The following INTS6 variants were observed in gnomAD, a reference collection of about 807,000 sequenced individuals.
INTS6 encodes DEAD box protein.
Under a neutral mutation model 104.9 loss-of-function variants are expected in INTS6, and 16 were observed. That is an observed-to-expected ratio of 0.15 (90% CI 0.10 to 0.23). The LOEUF is 0.23. Among genes scored for constraint, INTS6 ranks in the 10% least tolerant of loss-of-function variants. INTS6 has a pLI of 1.00. For synonymous variants in INTS6, 324 were observed against 358.7 expected, an observed-to-expected ratio of 0.90 and a Z score of 1.09; for missense variants, 584 against 1,062.8, an observed-to-expected ratio of 0.55 and a Z score of 6.26.
At chr13:51,376,440 C>T (rs1299628844) in intron 12 of INTS6, among the ~76,000 whole-genome samples, 2 of 152,098 alleles carry the variant, frequency 1.3e-5, no homozygotes, top group Non-Finnish European at 2.9e-5. Context: ...GAAGTAAACT[C>T]ATTTAAGTAA....
the INTS6 span, chr13:51,344,559 C>T: frequency 8.0e-7 from 1 of 1,249,386 alleles, no homozygotes; most frequent in Non-Finnish European, 1.1e-6. Flanking sequence ...CATCACTTGT[C>T]AGAGGCCATG....
At chr13:51,404,837 G>A (rs1956529924) in intron 4 of INTS6, among the ~76,000 whole-genome samples, 1 of 151,982 alleles carries the variant, frequency 6.6e-6, no homozygotes, top group South Asian at 2.1e-4. Context: ...ACATTTTATT[G>A]TCAACATGTG....
At chr13:51,411,803 C>G (rs1309296003) in intron 4 of INTS6, among the ~76,000 whole-genome samples, 1 of 152,072 alleles carries the variant, frequency 6.6e-6, no homozygotes, top group Non-Finnish European at 1.5e-5. Flanking sequence ...TATGACCCAC[C>G]AATTATGCTC....
downstream of INTS6, among the ~76,000 whole-genome samples, chr13:51,358,926 G>C (rs116565817): frequency 1.1e-3 from 168 of 152,076 alleles, 1 homozygote; most frequent in African/African-American, 4.0e-3. Flanking sequence ...GAATGGTGTG[G>C]GTGGTTCTAT....
chr13:51,373,751 G>A (rs1271298735), intron 15 of INTS6, among the ~76,000 whole-genome samples: 1 of 152,032 alleles, frequency 6.6e-6, no homozygotes, highest in Non-Finnish European at 1.5e-5. Context: ...CATCTTTTTC[G>A]TAACATTCAA....
At chr13:51,376,005 A>T in intron 13 of INTS6, 43 bp downstream of exon 13, 1 of 1,534,706 alleles carries the variant, frequency 6.5e-7, no homozygotes, top group Non-Finnish European at 8.8e-7. Context: ...CAGACTATAA[A>T]GAAAAAAAAT....
chr13:51,383,639 G>A lies in INTS6; in HGVS notation c.997C>T (p.Pro333Ser). The A allele has an allele frequency of 6.2e-7, 1 of 1,614,016 alleles. No homozygotes were observed. Among genetic ancestry groups the A allele is most frequent in the Non-Finnish European group, 8.5e-7 (1 of 1,179,942 alleles). The change falls in exon 8 of 18, where the codon CCA becomes TCA. Residue 333 changes from proline to serine, a missense_variant. Physicochemically the swap from Pro to Ser is moderately conservative, Grantham distance 74. This residue lies in a region of INTS6 where 144 missense variants were observed against 348.7 expected (regional missense o/e 0.41). Coordinates refer to ENST00000311234, the MANE Select transcript of INTS6 (RefSeq NM_012141.3). ...CTTTCCAGGATAAATTGAGTCAGTG[G>A]TGAAGGTTCCAACTCATATTTGTCA... The part of the protein sequence containing the change: ...PFDKYELEPS[P>S]LTQFILERKS...
chr13:51,357,114 C>G (rs1348377036), downstream of INTS6, among the ~76,000 whole-genome samples: 1 of 152,158 alleles, frequency 6.6e-6, no homozygotes, highest in Non-Finnish European at 1.5e-5. Context: ...AGACAGACAC[C>G]ATATGGCTTG....
chr13:51,407,374 G>C (rs909807017), intron 4 of INTS6, among the ~76,000 whole-genome samples: 3 of 152,162 alleles, frequency 2.0e-5, no homozygotes, highest in African/African-American at 7.2e-5. Context: ...GAAACATTGT[G>C]AACAGTAGAG....
intron 3 of INTS6, among the ~76,000 whole-genome samples, chr13:51,356,086 GA>G (rs1412353558): frequency 6.6e-6 from 1 of 152,134 alleles, no homozygotes; most frequent in Non-Finnish European, 1.5e-5. Flanking sequence ...TGACCAGATT[GA>G]CAGTTACTTA....
At chr13:51,376,382 C>T (rs980228167) in intron 12 of INTS6, among the ~76,000 whole-genome samples, 1 of 152,158 alleles carries the variant, frequency 6.6e-6, no homozygotes, top group African/African-American at 2.4e-5. Flanking sequence ...CAAACAATCT[C>T]AATTCACCAT....
chr13:51,445,867 T>A (rs867114786), intron 3 of INTS6: 16 of 152,322 alleles, frequency 1.1e-4, no homozygotes, highest in Middle Eastern at 3.4e-3. Context: ...GTGGAAAAAC[T>A]GGATATCCAC....
intron 12 of INTS6, among the ~76,000 whole-genome samples, chr13:51,377,423 A>G (rs1040844793): frequency 3.3e-5 from 5 of 152,164 alleles, no homozygotes; most frequent in Non-Finnish European, 7.4e-5. Flanking sequence ...CTAACTCAAC[A>G]TCACAAAGAT....
At chr13:51,404,303 A>C (rs987916620) in intron 4 of INTS6, among the ~76,000 whole-genome samples, 4 of 151,560 alleles carry the variant, frequency 2.6e-5, no homozygotes, top group Non-Finnish European at 4.4e-5. Flanking sequence ...TAAAAAAAAA[A>C]AAAAAACAAA....
downstream of INTS6, among the ~76,000 whole-genome samples, chr13:51,349,361 G>A (rs1355984809): frequency 1.3e-5 from 2 of 152,138 alleles, no homozygotes; most frequent in East Asian, 1.9e-4. Flanking sequence ...AGGGCAAAAG[G>A]TGCACTTAAC....
At chr13:51,369,440 T>G (rs1212764250) in intron 15 of INTS6, 130 bp from the exon 16 acceptor site, 1 of 888,512 alleles carries the variant, frequency 1.1e-6, no homozygotes, top group Admixed American at 2.7e-5. Context: ...ACAAATAATG[T>G]GATATAGTTT....
rs1206152478 is a variant in INTS6 at position 51,365,740 on chromosome 13, T to C, written c.*12A>G. ...GAAGATAGTGAAATAAGTGGCCACA[T>C]TCTATTTTCTTTTAATTGCTATTAA... On this transcript the variant is annotated 3_prime_UTR_variant, in exon 18 of 18. Transcript: ENST00000311234. 80 of 1,413,926 alleles carry C rather than the reference T, an allele frequency of 5.7e-5. 1 individual carries two copies. The East Asian group carries it at 1.8e-3, about 32-fold the overall frequency. 87.6% of individuals were successfully genotyped at this position (1,413,926 alleles called of 1,614,324 possible).
At chr13:51,421,205 T>C in intron 4 of INTS6, 2 of 985,766 alleles carry the variant, frequency 2.0e-6, no homozygotes, top group Non-Finnish European at 2.4e-6. Context: ...ACGATCTGAC[T>C]GCTTGAAGTG....
At chr13:51,449,783 A>G (rs1952996828) in intron 3 of INTS6, 1 of 985,296 alleles carries the variant, frequency 1.0e-6, no homozygotes, top group Non-Finnish European at 1.2e-6. Flanking sequence ...TTGCAAATCT[A>G]CCTAAATTAT....
Sources: allele counts gnomAD v4.1 joint callset (sites outside exome capture counted in the v4.1 genomes callset), GRCh38; gene constraint gnomAD v4.1.1; regional missense constraint gnomAD v4.1.1; transcripts MANE v1.5; gene names NCBI Gene and HGNC (gene_info 2026-07-23, HGNC 2026-07-21).